The following ZSCAN5B variants were observed in gnomAD, a reference collection of about 807,000 sequenced individuals.
The protein encoded by ZSCAN5B is zinc finger and SCAN domain containing 5B, also known as zinc finger and SCAN domain-containing protein 5B.
Under a neutral mutation model 25.2 loss-of-function variants are expected in ZSCAN5B, and 26 were observed. The observed-to-expected ratio is 1.03, with a 90% confidence interval of 0.76 to 1.43. The LOEUF is 1.43. Among genes scored for constraint, ZSCAN5B ranks in the 40% most tolerant of loss-of-function variants. The pLI is 0.00. For synonymous variants in ZSCAN5B, 244 were observed against 240.9 expected, an observed-to-expected ratio of 1.01 and a Z score of -0.12; for missense variants, 745 against 622.1, an observed-to-expected ratio of 1.20 and a Z score of -2.10.
exon 5 of ZSCAN5B, chr19:56,190,292 G>C: frequency 6.2e-7 from 1 of 1,614,158 alleles, no homozygotes; most frequent in Non-Finnish European, 8.5e-7. Flanking sequence ...CTGGGTGACT[G>C]ACCGGGCCCG....
At chr19:56,191,249 G>A (rs995173117) in intron 3 of ZSCAN5B, among the ~76,000 whole-genome samples, 3 of 152,112 alleles carry the variant, frequency 2.0e-5, no homozygotes, top group African/African-American at 4.8e-5. Flanking sequence ...TGCCCCTGAC[G>A]CTGGAAGAAG....
chr19:56,193,540 G>A (rs1200574064), intron 1 of ZSCAN5B, among the ~76,000 whole-genome samples: 1 of 152,194 alleles, frequency 6.6e-6, no homozygotes. Context: ...CCAAGGCAAA[G>A]CCCTTAGTCA....
chr19:56,192,581 T>C (rs1025771723), intron 2 of ZSCAN5B, 88 bp downstream of exon 2: 5 of 1,525,502 alleles, frequency 3.3e-6, no homozygotes, highest in Non-Finnish European at 4.4e-6. Context: ...ATTTGCAATA[T>C]TAGCTGTGCT....
At chr19:56,190,316 A>G in exon 5 of ZSCAN5B, 1 of 1,614,136 alleles carries the variant, frequency 6.2e-7, no homozygotes, top group Non-Finnish European at 8.5e-7. Context: ...GGCCTGGGGA[A>G]TGAACTGGAT....
chr19:56,197,195 C>T (rs1395527660), intron 1 of ZSCAN5B, among the ~76,000 whole-genome samples: 2 of 149,310 alleles, frequency 1.3e-5, no homozygotes, highest in Admixed American at 6.7e-5. Flanking sequence ...TTTTTTGAGA[C>T]GGAGTTTTGC....
exon 5 of ZSCAN5B, chr19:56,190,225 A>G (rs1227258364): frequency 1.2e-6 from 2 of 1,613,858 alleles, no homozygotes; most frequent in Non-Finnish European, 1.7e-6. Context: ...AAATACTTAA[A>G]TGATTTATTG....
chr19:56,196,961 G>A (rs1361606232), intron 1 of ZSCAN5B, among the ~76,000 whole-genome samples: 1 of 152,002 alleles, frequency 6.6e-6, no homozygotes, highest in East Asian at 1.9e-4. Flanking sequence ...GCAAAGCAGC[G>A]AGACCACGTC....
chr19:56,194,349 G>A (rs1479728166), intron 1 of ZSCAN5B, among the ~76,000 whole-genome samples: 2 of 152,118 alleles, frequency 1.3e-5, no homozygotes, highest in African/African-American at 4.8e-5. Context: ...AGGCTGGAGG[G>A]AAATTTGCAG....
chr19:56,192,831 C>T (rs772032245), exon 2 of ZSCAN5B: 1 of 1,613,074 alleles, frequency 6.2e-7, no homozygotes, highest in East Asian at 2.2e-5. Context: ...GGAGGTCGGG[C>T]CTCAGCCACA....
intron 1 of ZSCAN5B, among the ~76,000 whole-genome samples, chr19:56,194,268 A>C (rs1037076812): frequency 2.6e-5 from 4 of 151,906 alleles, no homozygotes; most frequent in African/African-American, 9.7e-5. Flanking sequence ...TGAAATTTCC[A>C]GGTAGTGGGA....
exon 2 of ZSCAN5B, chr19:56,193,123 T>G (rs1469748644): frequency 7.0e-7 from 1 of 1,438,142 alleles, no homozygotes; most frequent in African/African-American, 1.4e-5. Flanking sequence ...TTGAGACCTA[T>G]TTACACAGGC....
At chr19:56,194,758 G>A (rs1374756283) in intron 1 of ZSCAN5B, among the ~76,000 whole-genome samples, 4 of 151,960 alleles carry the variant, frequency 2.6e-5, no homozygotes, top group Admixed American at 2.6e-4. Context: ...GGGATTACAG[G>A]CCCCCGCCCA....
chr19:56,194,892 C>T (rs2032788757), intron 1 of ZSCAN5B, among the ~76,000 whole-genome samples: 1 of 152,174 alleles, frequency 6.6e-6, no homozygotes, highest in African/African-American at 2.4e-5. Context: ...CGTGAGCCAT[C>T]GCGCACAGCC....
exon 5 of ZSCAN5B, chr19:56,190,170 G>T (rs753726468): frequency 6.2e-7 from 1 of 1,614,008 alleles, no homozygotes; most frequent in Non-Finnish European, 8.5e-7. Context: ...ACATTGAAAG[G>T]GTCTGTCTCC....
At chr19:56,190,808 C>G (rs763966210) in intron 4 of ZSCAN5B, 29 bp downstream of exon 4, 2 of 1,609,404 alleles carry the variant, frequency 1.2e-6, no homozygotes, top group Non-Finnish European at 1.7e-6. Flanking sequence ...GAGGGACTAA[C>G]CCCTGTGGAT....
In ZSCAN5B at chr19:56,193,182, G is replaced by T. The variant is rs2032764314; in HGVS notation, c.-127-3C>A. ...ATATTCACAGTTTGTTCAGAAGTCT[G>T]CAGGAAAAAAGCATGAGCCCGATTA... On this transcript the variant is annotated splice_polypyrimidine_tract_variant and splice_region_variant and intron_variant, in intron 1 of 4. Transcript: ENST00000586855. 2 of 1,164,598 alleles carry T rather than the reference G, an allele frequency of 1.7e-6. No homozygotes were observed. The highest frequency in any genetic ancestry group is 5.9e-5 in the Admixed American group (2 of 33,888). The allele number at this position is 1,164,598 out of a possible 1,614,324, so 72.1% of individuals were successfully genotyped here. A position where few individuals can be genotyped will look rare whatever the true frequency, so the allele number is the denominator to read the frequency against.
intron 1 of ZSCAN5B, among the ~76,000 whole-genome samples, chr19:56,195,976 C>A (rs1388454958): frequency 6.6e-6 from 1 of 152,188 alleles, no homozygotes; most frequent in Non-Finnish European, 1.5e-5. Context: ...CCTCCTGCCT[C>A]TGCTTCCCAA....
At chr19:56,190,379 T>C in exon 5 of ZSCAN5B, 2 of 1,614,146 alleles carry the variant, frequency 1.2e-6, no homozygotes, top group Non-Finnish European at 1.7e-6. Context: ...TGGCTTCTCC[T>C]TGAGGCTCTT....
At chr19:56,197,861 C>A (rs7259732) in exon 1 of ZSCAN5B, 226,907 of 968,576 alleles carry the variant, frequency 0.23, 13,545 homozygotes, top group African/African-American at 0.41. Context: ...CTGCGCCGCG[C>A]CGTGATTGGT....
Sources: gnomAD v4.1 joint callset for allele counts (sites outside exome capture counted in the v4.1 genomes callset) on GRCh38, gnomAD v4.1.1 for gene constraint, MANE v1.5 for transcripts, NCBI Gene and HGNC (gene_info 2026-07-23, HGNC 2026-07-21) for gene names.